Variants in GFAP observed in about 807,000 individuals in gnomAD.
GFAP encodes the protein intermediate filament protein.
GFAP carries 38 observed loss-of-function variants against 49.3 expected under a neutral mutation model. The ratio of observed to expected loss-of-function variants is 0.77; its 90% CI spans 0.60 to 1.01. The LOEUF is 1.01. GFAP is among the 50% of genes least tolerant of loss of function. The pLI, the probability that GFAP is intolerant of heterozygous loss-of-function variation, is 0.00. For missense variants in GFAP, 463 were observed against 579.1 expected, an observed-to-expected ratio of 0.80 and a Z score of 2.06; for synonymous variants, 222 against 236.4, an observed-to-expected ratio of 0.94 and a Z score of 0.56.
Position 44,915,452 on chromosome 17 carries a change from C to A in GFAP, c.35G>T (p.Arg12Leu). Residue 12 changes from arginine (R) to leucine (L), a missense_variant, in exon 1 of 9, where the codon CGC becomes CTC. Around this residue, in one of 3 missense-constraint regions of GFAP, gnomAD observed 89 missense variants for 87.5 expected, o/e 1.02. Coordinates refer to ENST00000588735, the MANE Select transcript of GFAP (RefSeq NM_002055.5). This position sits in a 1 kb window ranked among gnomAD's most constrained non-coding sequence, Gnocchi z 4.1. The part of the protein sequence containing the change: ...ERRRITSAAR[R>L]SYVSSGEMMV... ...CATCTCCCCTGAGGAGACGTAGGAG[C>A]GGCGAGCAGCGGAGGTGATGCGTCT... The A allele has an allele frequency of 1.2e-6, 2 of 1,602,302 alleles. No individual in the cohort carries two copies. Among genetic ancestry groups the A allele is most frequent in the Non-Finnish European group, 1.7e-6 (2 of 1,175,026 alleles).
In GFAP at chr17:44,907,125, G is replaced by T. The variant is rs2051664057; in HGVS notation, c.*222C>A. ...ACTGCCCCTTGGGGGTGAGTTTCTT[G>T]TTAGTTGGAGTTGCTGGGTGCTGGG... On this transcript the variant is annotated 3_prime_UTR_variant, in exon 9 of 9. Transcript: ENST00000588735. 1.7e-6 allele frequency: 1 copy of T among 605,960 alleles called. No individual in the cohort carries two copies. Among genetic ancestry groups the T allele is most frequent in the African/African-American group, 1.8e-5 (1 of 54,242 alleles). 37.5% of individuals were successfully genotyped at this position (605,960 alleles called of 1,614,324 possible). A position where few individuals can be genotyped will look rare whatever the true frequency, so the allele number is the denominator to read the frequency against.
chr17:44,910,500 A>G (rs1428166717), intron 7 of GFAP, 115 bp downstream of exon 7: 2 of 1,553,064 alleles, frequency 1.3e-6, no homozygotes, highest in Admixed American at 2.0e-5. Context: ...GAAGGCCCCC[A>G]GGGAGAGCTG....
Position 44,914,098 on chromosome 17 carries a change from G to T in GFAP, c.462-10C>A. The T allele has an allele frequency of 6.5e-7, 1 of 1,548,902 alleles. No individual in the cohort carries two copies. Among genetic ancestry groups the T allele is most frequent in the Non-Finnish European group, 8.7e-7 (1 of 1,143,958 alleles). The stretch of plus-strand genomic sequence containing the variant: ...GGTTTCATCCTGGAGCCTGGAGTGG[G>T]GGGACACATTCCTGGGTCCAGGCTC... On this transcript the variant is annotated splice_polypyrimidine_tract_variant and intron_variant, in intron 1 of 8. Transcript: ENST00000588735.
Position 44,913,390 on chromosome 17 carries a change from A to G in GFAP, c.659T>C (p.Val220Ala), listed in dbSNP as rs750174463. The change falls in exon 4 of 9, where the codon GTC (valine) becomes GCC (alanine). Residue 220 changes from valine (V) to alanine (A), a missense_variant. Val to Ala is a moderately conservative substitution (Grantham distance 64, BLOSUM62 0). Transcript: ENST00000588735. ...ELQEQLARQQ[V>A]HVELDVAKPD... ...CTTGGCCACGTCAAGCTCCACATGG[A>G]CCTGCTGTCGGGCCAGCTGCTCCTG... 6.2e-7 allele frequency: 1 copy of G among 1,614,148 alleles called. No homozygotes were observed. Among genetic ancestry groups the G allele is most frequent in the Non-Finnish European group, 8.5e-7 (1 of 1,180,022 alleles).
At position 44,905,092 on chromosome 17, in the gene GFAP, G is replaced by A; in HGVS notation, c.*2255C>T. 6.7e-7 allele frequency: 1 copy of A among 1,498,576 alleles called. No homozygotes were observed. The highest frequency in any genetic ancestry group is 9.0e-7 in the Non-Finnish European group (1 of 1,112,508). The allele number at this position is 1,498,576 out of a possible 1,614,324, so 92.8% of individuals were successfully genotyped here. ...CCTAGGAGCTCTCTTCAGCTCTGAA[G>A]ACCAGTTGTCCTTCAATGTGTTTGT... On this transcript the variant is annotated 3_prime_UTR_variant, in exon 9 of 9. Transcript: ENST00000588735.
chr17:44,910,054 C>G, intron 7 of GFAP: 1 of 1,608,192 alleles, frequency 6.2e-7, no homozygotes, highest in Non-Finnish European at 8.5e-7. Flanking sequence ...GAAGAGGGAA[C>G]TCAGGGGGAT....
In GFAP at chr17:44,904,908, C is replaced by T. The variant is rs2145621048; in HGVS notation, c.*2439G>A. 1 of 1,550,596 alleles carries T rather than the reference C, an allele frequency of 6.4e-7. No homozygotes were observed. Among genetic ancestry groups the T allele is most frequent in the Non-Finnish European group, 8.7e-7 (1 of 1,146,992 alleles). On this transcript the variant is annotated 3_prime_UTR_variant, in exon 9 of 9. Coordinates refer to ENST00000588735, the MANE Select transcript of GFAP (RefSeq NM_002055.5). ...GTTGCTGGCTTCCGGCTGGGTGTGA[C>T]ATCTCATGGGCACTACCCAGCCTCG...
intron 4 of GFAP, 137 bp from the exon 5 acceptor site, chr17:44,911,934 C>T: frequency 1.0e-6 from 1 of 963,154 alleles, no homozygotes; most frequent in Non-Finnish European, 1.6e-6. Flanking sequence ...CAACTGTGAC[C>T]CATGGATGCG....
chr17:44,904,226 T>G lies in GFAP; in HGVS notation c.*3121A>C, dbSNP rs1426626735. The stretch of plus-strand genomic sequence containing the variant: ...CTGCGGCACCCGCAAGGGGGACTAC[T>G]TTTACGCCTACGATGTGGACATCCA... On this transcript the variant is annotated 3_prime_UTR_variant, in exon 9 of 9. Transcript: ENST00000588735. 1.3e-6 allele frequency: 2 copies of G among 1,550,576 alleles called. No homozygotes were observed. Among genetic ancestry groups the G allele is most frequent in the East Asian group, 4.9e-5 (2 of 40,926 alleles).
chr17:44,911,892 A>G (rs1437247487), intron 4 of GFAP, 95 bp from the exon 5 acceptor site: 5 of 1,430,600 alleles, frequency 3.5e-6, no homozygotes, highest in East Asian at 2.3e-5. Context: ...AGTTAACCCC[A>G]GGACGTTGGC....
At chr17:44,907,671 T>G in intron 8 of GFAP, 1 of 569,156 alleles carries the variant, frequency 1.8e-6, no homozygotes, top group Non-Finnish European at 3.2e-6. Flanking sequence ...CCTCTTCCCA[T>G]TCCCCTGGTA....
In GFAP at chr17:44,907,032, C is replaced by G; in HGVS notation, c.*315G>C. On this transcript the variant is annotated 3_prime_UTR_variant, in exon 9 of 9. Coordinates refer to ENST00000588735, the MANE Select transcript of GFAP (RefSeq NM_002055.5). Reference sequence around the variant, plus strand: ...ATGTGGAGGGCGATGTAGTAGGTGCCCCCCGCCCTCCTCCCCTTCTCTCCT... The same window carrying G: ...ATGTGGAGGGCGATGTAGTAGGTGCGCCCCGCCCTCCTCCCCTTCTCTCCT... The G allele has an allele frequency of 2.1e-6, 1 of 483,386 alleles. No homozygotes were observed. The highest frequency in any genetic ancestry group is 2.1e-5 in the South Asian group (1 of 46,524). The allele number at this position is 483,386 out of a possible 1,614,324, so 29.9% of individuals were successfully genotyped here.
chr17:44,913,676 C>T (rs769068280), intron 3 of GFAP, 52 bp downstream of exon 3: 3 of 1,337,548 alleles, frequency 2.2e-6, no homozygotes, highest in Non-Finnish European at 2.2e-6. Flanking sequence ...GTCTCTCCCT[C>T]TCTCAGTTGC....
rs2051880584 is a variant in GFAP at position 44,915,177 on chromosome 17, G to A, written c.310C>T (p.Leu104=). Residue 104 remains leucine (L), a synonymous_variant, in exon 1 of 9, where the codon CTG becomes TTG. Coordinates refer to ENST00000588735, the MANE Select transcript of GFAP (RefSeq NM_002055.5). This position sits in a 1 kb window ranked among gnomAD's most constrained non-coding sequence, Gnocchi z 4.1. ...NKALAAELNQ[L]RAKEPTKLAD... ...AGCTTGGTGGGCTCCTTGGCCCGCA[G>A]CTGGTTCAGCTCAGCAGCCAGCGCC... is the stretch of plus-strand genomic sequence containing the variant. The A allele has an allele frequency of 6.2e-7, 1 of 1,614,112 alleles. No individual in the cohort carries two copies. The highest frequency in any genetic ancestry group is 1.7e-5 in the Admixed American group (1 of 60,010).
Position 44,904,942 on chromosome 17 carries a change from TC to T in GFAP, c.*2404del. On this transcript the variant is annotated 3_prime_UTR_variant, in exon 9 of 9. Coordinates refer to ENST00000588735, the MANE Select transcript of GFAP (RefSeq NM_002055.5). Reference sequence around the variant, plus strand: ...GGCACTACCCAGCCTCGTTCTCAGATCCTGAGACTCGCTCGGCTGTGGAGCT... The same window carrying T: ...GGCACTACCCAGCCTCGTTCTCAGATCTGAGACTCGCTCGGCTGTGGAGCT... The T allele has an allele frequency of 6.4e-7, 1 of 1,550,660 alleles. No individual in the cohort carries two copies. The highest frequency in any genetic ancestry group is 8.7e-7 in the Non-Finnish European group (1 of 1,147,002).
In GFAP at chr17:44,903,395, A is replaced by G; in HGVS notation, c.*3952T>C. 1 of 1,251,494 alleles carries G rather than the reference A, an allele frequency of 8.0e-7. No homozygotes were observed. Among genetic ancestry groups the G allele is most frequent in the Non-Finnish European group, 1.0e-6 (1 of 999,526 alleles). The allele number at this position is 1,251,494 out of a possible 1,614,324, so 77.5% of individuals were successfully genotyped here. On this transcript the variant is annotated 3_prime_UTR_variant, in exon 9 of 9. Transcript: ENST00000588735. ...CAGCCTCCCGGATGGCCAGATATGC[A>G]GGAGGGTGGGTTTCCTTCATCCCCC...
Position 44,904,209 on chromosome 17 carries a change from C to T in GFAP, c.*3138G>A, listed in dbSNP as rs932283981. 5 of 1,550,550 alleles carry T rather than the reference C, an allele frequency of 3.2e-6. No individual in the cohort carries two copies. The Admixed American group carries it at 5.9e-5, about 18-fold the overall frequency. On this transcript the variant is annotated 3_prime_UTR_variant, in exon 9 of 9. Transcript: ENST00000588735. The stretch of plus-strand genomic sequence containing the variant: ...GACTCAGGCCTGTACTTCTGCGGCA[C>T]CCGCAAGGGGGACTACTTTTACGCC...
At position 44,913,362 on chromosome 17, in the gene GFAP, T is replaced by C. The variant is rs1225139999; in HGVS notation, c.687A>G (p.Pro229=). ...QVHVELDVAK[P]DLTAALKEIR... ...TCTCTTTCAGGGCTGCGGTGAGGTC[T>C]GGCTTGGCCACGTCAAGCTCCACAT... The change falls in exon 4 of 9, where the codon CCA becomes CCG. Residue 229 remains proline (P), a synonymous_variant. Coordinates refer to ENST00000588735, the MANE Select transcript of GFAP (RefSeq NM_002055.5). 4.3e-6 allele frequency: 7 copies of C among 1,614,188 alleles called. No homozygotes were observed. In the South Asian group the frequency reaches 6.6e-5, roughly 15 times the overall value.
rs2051637251 is a variant in GFAP at position 44,905,243 on chromosome 17, G to A, written c.*2104C>T. On this transcript the variant is annotated 3_prime_UTR_variant, in exon 9 of 9. Transcript: ENST00000588735. ...AGGTCTGGGACCTGATCTGAGAAGT[G>A]GAGGGGCCTGAGGCTGGTGGGAGAT... 1.6e-5 allele frequency: 10 copies of A among 616,282 alleles called. No individual in the cohort carries two copies. The highest frequency in any genetic ancestry group is 2.6e-5 in the Non-Finnish European group (9 of 343,812). The allele number at this position is 616,282 out of a possible 1,614,324, so 38.2% of individuals were successfully genotyped here. A position where few individuals can be genotyped will look rare whatever the true frequency, so the allele number is the denominator to read the frequency against.
Sources: allele counts gnomAD v4.1 joint callset, GRCh38; gene constraint gnomAD v4.1.1; regional missense constraint gnomAD v4.1.1; non-coding constraint Gnocchi (gnomAD v3.1); transcripts MANE v1.5; gene names NCBI Gene and HGNC (gene_info 2026-07-23, HGNC 2026-07-21).